Variants in LRRFIP1 observed in about 807,000 individuals in gnomAD.
LRRFIP1 encodes LRR binding FLII interacting protein 1.
Under a neutral mutation model 104.4 loss-of-function variants are expected in LRRFIP1, and 62 were observed. The ratio of observed to expected loss-of-function variants is 0.59; its 90% confidence interval spans 0.48 to 0.73. The LOEUF is 0.73. Ranked by LOEUF, LRRFIP1 falls within the 30% of genes least tolerant of loss-of-function variation. LRRFIP1 has a pLI of 0.00. For missense variants in LRRFIP1, 796 were observed against 824.5 expected, an observed-to-expected ratio of 0.97 and a Z score of 0.42; for synonymous variants, 300 against 299.0, an observed-to-expected ratio of 1.00 and a Z score of -0.03.
chr2:237,772,329 A>G lies in LRRFIP1; in HGVS notation c.1627+131A>G, dbSNP rs878904250. ...CACATCCCCACAAAAGCCCTTAAAAATAAAAGCACAAGGAGGGGTAGGTAG... is the reference window on the plus strand; with the variant it reads ...CACATCCCCACAAAAGCCCTTAAAAGTAAAAGCACAAGGAGGGGTAGGTAG... On this transcript the variant is annotated intron_variant, in intron 21 of 23. Coordinates refer to ENST00000308482, the MANE Select transcript of LRRFIP1 (RefSeq NM_001137550.2). 16 of 669,962 alleles carry G rather than the reference A, an allele frequency of 2.4e-5. No homozygotes were observed. In the South Asian group the frequency reaches 2.8e-4, roughly 12 times the overall value. 41.5% of individuals were successfully genotyped at this position (669,962 alleles called of 1,614,324 possible). A position where few individuals can be genotyped will look rare whatever the true frequency, so the allele number is the denominator to read the frequency against.
At chr2:237,775,990 G>T (rs891946986) in intron 23 of LRRFIP1, among the ~76,000 whole-genome samples, 2 of 150,570 alleles carry the variant, frequency 1.3e-5, no homozygotes, top group Non-Finnish European at 2.9e-5. Flanking sequence ...TTTTTGAGAC[G>T]GAGTCTGACT....
At chr2:237,727,004 A>T (rs1575883778) in intron 7 of LRRFIP1, among the ~76,000 whole-genome samples, 1 of 152,218 alleles carries the variant, frequency 6.6e-6, no homozygotes, top group Non-Finnish European at 1.5e-5. Flanking sequence ...ATGAATAAAA[A>T]ACTAGTATAG....
At chr2:237,663,425 CT>C (rs1471076101) in intron 1 of LRRFIP1, among the ~76,000 whole-genome samples, 31 of 49,886 alleles carry the variant, frequency 6.2e-4, no homozygotes, top group African/African-American at 9.8e-4. Context: ...CCGGGGAGTT[CT>C]TTCCCCCCCC....
At chr2:237,731,323 C>T (rs2094998674) in intron 8 of LRRFIP1, among the ~76,000 whole-genome samples, 1 of 152,208 alleles carries the variant, frequency 6.6e-6, no homozygotes, top group South Asian at 2.1e-4. Flanking sequence ...TTTTTCTTGC[C>T]AGGGCACTTC....
Position 237,717,343 on chromosome 2 carries a change from A to G in LRRFIP1, c.202-419A>G, listed in dbSNP as rs916902936. ...CTCCTCTCAGTTTCCCTGAGGTCCC[A>G]ACACCGGAATGGCTCTGAGCTTCTG... is the stretch of plus-strand genomic sequence containing the variant. On this transcript the variant is annotated intron_variant, in intron 3 of 23. Coordinates refer to ENST00000308482, the MANE Select transcript of LRRFIP1 (RefSeq NM_001137550.2). This position sits in a 1 kb window ranked among gnomAD's most constrained non-coding sequence, Gnocchi z 4.2. Among the ~76,000 whole-genome samples the G allele has an allele frequency of 3.9e-5, 6 of 152,324 alleles. No homozygotes were observed. The highest frequency in any genetic ancestry group is 5.9e-5 in the Non-Finnish European group (4 of 68,026).
intron 11 of LRRFIP1, among the ~76,000 whole-genome samples, chr2:237,744,366 G>A (rs994313671): frequency 6.6e-6 from 1 of 152,174 alleles, no homozygotes; most frequent in Admixed American, 6.5e-5. Context: ...TTGAGGACAG[G>A]TTCCTTTTGT....
chr2:237,745,605 A>G (rs982416829), intron 11 of LRRFIP1, among the ~76,000 whole-genome samples: 2 of 152,160 alleles, frequency 1.3e-5, no homozygotes, highest in African/African-American at 4.8e-5. Context: ...CCCCCCCAAA[A>G]TCAAGGTTTG....
At position 237,717,052 on chromosome 2, in the gene LRRFIP1, T is replaced by C. The variant is rs1309394511; in HGVS notation, c.202-710T>C. On this transcript the variant is annotated intron_variant, in intron 3 of 23. Transcript: ENST00000308482. The surrounding 1 kb of genome is among the most constrained non-coding windows in gnomAD (Gnocchi z 4.2). Reference sequence around the variant, plus strand: ...TTTTTAGCTTATCAGCTATCGTTAGTGTAGTTTATGTGTGGCCCAAGACAC... The same window carrying C: ...TTTTTAGCTTATCAGCTATCGTTAGCGTAGTTTATGTGTGGCCCAAGACAC... Among the ~76,000 whole-genome samples the C allele has an allele frequency of 2.6e-5, 4 of 152,040 alleles. No individual in the cohort carries two copies. The highest frequency in any genetic ancestry group is 5.9e-5 in the Non-Finnish European group (4 of 68,002).
chr2:237,688,678 C>G (rs574921320), intron 1 of LRRFIP1, among the ~76,000 whole-genome samples: 1 of 152,044 alleles, frequency 6.6e-6, no homozygotes, highest in Admixed American at 6.5e-5. Context: ...AGGCTGGTCT[C>G]GAACTCCTGG....
At chr2:237,753,209 C>CT (rs1352465680) in intron 14 of LRRFIP1, 100 bp from the exon 15 acceptor site, 1 of 829,662 alleles carries the variant, frequency 1.2e-6, no homozygotes, top group Non-Finnish European at 1.8e-6. Context: ...GAAATATAGT[C>CT]TAAGTTTAGG....
chr2:237,669,236 G>A (rs962318721), intron 1 of LRRFIP1, among the ~76,000 whole-genome samples: 10 of 152,196 alleles, frequency 6.6e-5, no homozygotes, highest in African/African-American at 2.4e-4. Context: ...TATTAGAAGT[G>A]CAATTTAAAC....
intron 1 of LRRFIP1, among the ~76,000 whole-genome samples, chr2:237,648,879 C>G (rs929061239): frequency 2.0e-5 from 3 of 151,922 alleles, no homozygotes; most frequent in African/African-American, 7.2e-5. Context: ...CTCACTTTCT[C>G]AAGTTCCTGA....
intron 11 of LRRFIP1, among the ~76,000 whole-genome samples, chr2:237,747,419 A>G (rs920312310): frequency 2.6e-5 from 4 of 152,144 alleles, no homozygotes; most frequent in Admixed American, 2.6e-4. Context: ...GGAAGTGGTC[A>G]TTTGGAGGTC....
intron 1 of LRRFIP1, among the ~76,000 whole-genome samples, chr2:237,634,286 C>A (rs1409651953): frequency 1.3e-5 from 2 of 152,220 alleles, no homozygotes; most frequent in Non-Finnish European, 2.9e-5. Flanking sequence ...CTGGCTCCTG[C>A]ATTGAAGGAC....
At chr2:237,728,810 A>G (rs566596627) in intron 8 of LRRFIP1, among the ~76,000 whole-genome samples, 2 of 152,180 alleles carry the variant, frequency 1.3e-5, no homozygotes, top group African/African-American at 4.8e-5. Context: ...GAGTGACCCC[A>G]CCCAGACCTT....
At chr2:237,643,367 C>T (rs991874293) in intron 1 of LRRFIP1, among the ~76,000 whole-genome samples, 24 of 152,240 alleles carry the variant, frequency 1.6e-4, no homozygotes, top group African/African-American at 5.3e-4. Flanking sequence ...CACCCCCGGA[C>T]GATTCTGGCG....
chr2:237,675,467 G>A (rs907716186), intron 1 of LRRFIP1, among the ~76,000 whole-genome samples: 1 of 152,148 alleles, frequency 6.6e-6, no homozygotes, highest in African/African-American at 2.4e-5. Context: ...TGCTCCACAG[G>A]CTTCACCAGC....
chr2:237,687,164 A>G (rs1022936974), intron 1 of LRRFIP1, among the ~76,000 whole-genome samples: 1 of 152,244 alleles, frequency 6.6e-6, no homozygotes, highest in Non-Finnish European at 1.5e-5. Flanking sequence ...CGCTCTTCCA[A>G]TGTGCATCTG....
At chr2:237,758,608 T>C in intron 17 of LRRFIP1, 121 bp from the exon 18 acceptor site, 1 of 653,734 alleles carries the variant, frequency 1.5e-6, no homozygotes, top group Non-Finnish European at 2.7e-6. Context: ...CAGAGTCTCT[T>C]TAATGTCTAG....
Sources: allele counts gnomAD v4.1 joint callset (sites outside exome capture counted in the v4.1 genomes callset), GRCh38; gene constraint gnomAD v4.1.1; non-coding constraint Gnocchi (gnomAD v3.1); transcripts MANE v1.5; gene names NCBI Gene and HGNC (gene_info 2026-07-23, HGNC 2026-07-21).